The following STPG2 variants were observed in gnomAD, a reference collection of about 807,000 sequenced individuals.
STPG2 encodes sperm-tail PG-rich repeat-containing protein 2.
A neutral mutation model predicts 54.2 loss-of-function variants in STPG2; 56 were observed. The ratio of observed to expected loss-of-function variants is 1.03; its 90% CI spans 0.83 to 1.29. STPG2 has a LOEUF of 1.29. Ranked by LOEUF, STPG2 falls within the 50% of genes most tolerant of loss-of-function variation. The pLI, the probability that STPG2 is intolerant of heterozygous loss-of-function variation, is 0.00. For missense variants in STPG2, 596 were observed against 544.9 expected, an observed-to-expected ratio of 1.09 and a Z score of -0.93; for synonymous variants, 200 against 181.8, an observed-to-expected ratio of 1.10 and a Z score of -0.81.
At chr4:97,755,263 C>T (rs1725694207) in intron 9 of STPG2, among the ~76,000 whole-genome samples, 1 of 151,994 alleles carries the variant, frequency 6.6e-6, no homozygotes, top group South Asian at 2.1e-4. Flanking sequence ...TCAAGCATGC[C>T]CACTAACAAT....
intron 6 of STPG2, among the ~76,000 whole-genome samples, chr4:97,980,270 G>T (rs1388278181): frequency 1.3e-5 from 2 of 152,090 alleles, no homozygotes; most frequent in Non-Finnish European, 2.9e-5. Context: ...AGAAGGAGTA[G>T]GTGCATGTAG....
intron 9 of STPG2, among the ~76,000 whole-genome samples, chr4:97,840,505 C>T (rs942323535): frequency 4.0e-5 from 6 of 151,586 alleles, no homozygotes; most frequent in African/African-American, 1.5e-4. Flanking sequence ...ATGTTGTTTA[C>T]AATCACAGTA....
chr4:97,951,783 T>A (rs1223522358), intron 7 of STPG2, among the ~76,000 whole-genome samples: 1 of 152,158 alleles, frequency 6.6e-6, no homozygotes. Flanking sequence ...AGTATTTTAT[T>A]TACTGGGTTG....
chr4:97,649,821 A>C (rs1722014544), intron 10 of STPG2, among the ~76,000 whole-genome samples: 1 of 152,202 alleles, frequency 6.6e-6, no homozygotes, highest in East Asian at 1.9e-4. Flanking sequence ...TCCACAGACC[A>C]GGGGGGACGG....
At chr4:98,020,527 C>A (rs186905293) in intron 5 of STPG2, among the ~76,000 whole-genome samples, 3 of 152,018 alleles carry the variant, frequency 2.0e-5, no homozygotes, top group Admixed American at 2.0e-4. Context: ...ATGATACTGG[C>A]CTGATAAAAT....
At chr4:97,716,968 T>C (rs533848562) in intron 9 of STPG2, among the ~76,000 whole-genome samples, 1 of 152,192 alleles carries the variant, frequency 6.6e-6, no homozygotes, top group Non-Finnish European at 1.5e-5. Context: ...TATACATTTA[T>C]GGAACACATT....
rs550425618 is a variant in STPG2 at position 97,586,705 on chromosome 4, A to G, written c.1321-27588T>C. On this transcript the variant is annotated intron_variant, in intron 10 of 10. Coordinates refer to ENST00000295268, the MANE Select transcript of STPG2 (RefSeq NM_174952.3). ...GTATTGAAAGGAAAACACCATCAAC[A>G]TGAATTCTATATTGGAAAAATTATC... Among the ~76,000 whole-genome samples, 13 of 152,052 alleles carry G rather than the reference A, an allele frequency of 8.5e-5. No homozygotes were observed. In the South Asian group the frequency reaches 2.3e-3, roughly 27 times the overall value.
Position 97,840,864 on chromosome 4 carries a change from A to G in STPG2, c.1113T>C (p.Tyr371=). The change falls in exon 9 of 11, where the codon TAT becomes TAC. Residue 371 remains tyrosine (Y), a synonymous_variant. Coordinates refer to ENST00000295268, the MANE Select transcript of STPG2 (RefSeq NM_174952.3). The part of the protein sequence containing the change: ...SYEMSQVKHK[Y]MPPRSLVAKR... ...TAGCCACTAAACTACGAGGTGGCAT[A>G]TATTTATGCTTAACTTGGGACATCT... is the stretch of plus-strand genomic sequence containing the variant. 1.2e-6 allele frequency: 2 copies of G among 1,612,312 alleles called. No individual in the cohort carries two copies. The highest frequency in any genetic ancestry group is 1.1e-5 in the South Asian group (1 of 91,038).
At chr4:98,125,483 C>G (rs950497386) in intron 3 of STPG2, among the ~76,000 whole-genome samples, 1 of 152,148 alleles carries the variant, frequency 6.6e-6, no homozygotes, top group Non-Finnish European at 1.5e-5. Context: ...GTCCCTCCCC[C>G]ACCTGGAGGC....
intron 7 of STPG2, among the ~76,000 whole-genome samples, chr4:97,946,988 G>A (rs145694257): frequency 1.2e-4 from 19 of 152,182 alleles, no homozygotes. Context: ...TGGGCAGTAT[G>A]GTCATTTTCA....
intron 8 of STPG2, among the ~76,000 whole-genome samples, chr4:97,867,221 C>T (rs1729824384): frequency 1.3e-5 from 2 of 151,864 alleles, no homozygotes; most frequent in African/African-American, 4.8e-5. Context: ...TCTTTGGCTG[C>T]TTTTTTATAG....
intron 10 of STPG2, among the ~76,000 whole-genome samples, chr4:97,619,824 A>ATT (rs113041695): frequency 1.1e-3 from 139 of 130,362 alleles, no homozygotes; most frequent in African/African-American, 2.0e-3. Context: ...TTCTTTTTCT[A>ATT]TTTTTTTTTT....
intron 9 of STPG2, among the ~76,000 whole-genome samples, chr4:97,788,614 TAG>T (rs1726896521): frequency 6.6e-6 from 1 of 152,122 alleles, no homozygotes; most frequent in African/African-American, 2.4e-5. Flanking sequence ...CTAGATCATA[TAG>T]TAGTTCTATT....
intron 5 of STPG2, among the ~76,000 whole-genome samples, chr4:98,072,104 C>A (rs748340326): frequency 3.9e-5 from 6 of 152,140 alleles, no homozygotes; most frequent in Non-Finnish European, 7.4e-5. Flanking sequence ...AAGACACATG[C>A]ACGTGTATGT....
At chr4:97,936,970 G>A (rs926131210) in intron 8 of STPG2, among the ~76,000 whole-genome samples, 2 of 152,066 alleles carry the variant, frequency 1.3e-5, no homozygotes, top group African/African-American at 2.4e-5. Context: ...CCTGAACTGT[G>A]TTTTTCAACT....
chr4:98,059,503 G>C (rs1452462498), intron 5 of STPG2, among the ~76,000 whole-genome samples: 1 of 151,878 alleles, frequency 6.6e-6, no homozygotes, highest in African/African-American at 2.4e-5. Context: ...GATTCCTATA[G>C]AAACTATTCC....
chr4:97,676,484 G>A (rs1325563728), intron 10 of STPG2, among the ~76,000 whole-genome samples: 1 of 151,054 alleles, frequency 6.6e-6, no homozygotes, highest in Non-Finnish European at 1.5e-5. Flanking sequence ...TGAAACCTGT[G>A]TGATACACAA....
chr4:97,992,038 C>T (rs1179556820), intron 5 of STPG2, among the ~76,000 whole-genome samples: 2 of 152,148 alleles, frequency 1.3e-5, no homozygotes, highest in Non-Finnish European at 2.9e-5. Flanking sequence ...CTTTCTCCCA[C>T]TCTATGGGTT....
chr4:97,534,132 T>C (rs932285218), intron 4 of STPG2, among the ~76,000 whole-genome samples: 3 of 152,160 alleles, frequency 2.0e-5, no homozygotes, highest in African/African-American at 7.2e-5. Flanking sequence ...TTATTGTGGT[T>C]TTTATTTGCA....
Sources: allele counts gnomAD v4.1 joint callset (sites outside exome capture counted in the v4.1 genomes callset), GRCh38; gene constraint gnomAD v4.1.1; transcripts MANE v1.5; gene names NCBI Gene and HGNC (gene_info 2026-07-23, HGNC 2026-07-21).